SLC6A2: variants seen among roughly 807,000 people sequenced by gnomAD.
SLC6A2 encodes the protein sodium-dependent noradrenaline transporter.
In SLC6A2, 26 loss-of-function variants were observed where a neutral mutation model predicts 71.7. That is an observed-to-expected ratio of 0.36 (90% confidence interval 0.27 to 0.50). The LOEUF (loss-of-function observed/expected upper bound fraction) is 0.50. Among genes scored for constraint, SLC6A2 ranks in the 20% least tolerant of loss-of-function variants. The pLI is 0.96. For missense variants in SLC6A2, 581 were observed against 803.9 expected, an observed-to-expected ratio of 0.72 and a Z score of 3.35; for synonymous variants, 363 against 337.9, an observed-to-expected ratio of 1.07 and a Z score of -0.82.
At chr16:55,697,819 TC>T in intron 9 of SLC6A2, 77 bp from the exon 10 acceptor site, 2 of 1,550,202 alleles carry the variant, frequency 1.3e-6, no homozygotes, top group East Asian at 4.5e-5. Context: ...TGCAGGAGGC[TC>T]TAGGAACCCT....
Position 55,702,582 on chromosome 16 carries a change from G to T in SLC6A2, c.*236G>T, listed in dbSNP as rs1314896251. 7.7e-6 allele frequency: 11 copies of T among 1,431,928 alleles called. No homozygotes were observed. The highest frequency in any genetic ancestry group is 8.2e-6 in the Non-Finnish European group (9 of 1,093,904). 88.7% of individuals were successfully genotyped at this position (1,431,928 alleles called of 1,614,324 possible). On this transcript the variant is annotated 3_prime_UTR_variant, in exon 15 of 15. Coordinates refer to ENST00000568943, the MANE Select transcript of SLC6A2 (RefSeq NM_001172501.3). ...AGGAGCAAACAGGAAAATGACTTCT[G>T]TTCTGTCCCCGCTGTTTTGGGGGAA... is the stretch of plus-strand genomic sequence containing the variant.
At chr16:55,666,613 A>G (rs575773409) in intron 2 of SLC6A2, among the ~76,000 whole-genome samples, 1 of 152,270 alleles carries the variant, frequency 6.6e-6, no homozygotes, top group East Asian at 1.9e-4. Flanking sequence ...GCTGGCCCAC[A>G]TCAAATGCAC....
intron 5 of SLC6A2, among the ~76,000 whole-genome samples, chr16:55,688,482 A>G (rs2142571696): frequency 6.6e-6 from 1 of 152,354 alleles, no homozygotes; most frequent in Non-Finnish European, 1.5e-5. Context: ...AAATCAGTAA[A>G]GGGTAAATTA....
At chr16:55,671,225 C>G (rs1416540988) in intron 3 of SLC6A2, among the ~76,000 whole-genome samples, 1 of 152,182 alleles carries the variant, frequency 6.6e-6, no homozygotes, top group Non-Finnish European at 1.5e-5. Flanking sequence ...CAAGTCAATG[C>G]CACTCTGGGC....
At chr16:55,663,829 T>G (rs1007039880) in intron 2 of SLC6A2, among the ~76,000 whole-genome samples, 1 of 152,160 alleles carries the variant, frequency 6.6e-6, no homozygotes, top group Non-Finnish European at 1.5e-5. Flanking sequence ...CCCTGGCTTT[T>G]CTTTCTTGGA....
At chr16:55,680,853 G>A (rs1381353805) in intron 4 of SLC6A2, among the ~76,000 whole-genome samples, 2 of 152,152 alleles carry the variant, frequency 1.3e-5, no homozygotes, top group East Asian at 3.9e-4. Flanking sequence ...GATGCAGGGT[G>A]AGAGTTTAAG....
intron 2 of SLC6A2, among the ~76,000 whole-genome samples, chr16:55,660,825 T>C (rs1164807457): frequency 1.3e-5 from 2 of 152,314 alleles, no homozygotes; most frequent in Non-Finnish European, 2.9e-5. Flanking sequence ...GGTGCCAGTA[T>C]TAACACTGTA....
intron 2 of SLC6A2, among the ~76,000 whole-genome samples, chr16:55,658,259 C>G (rs1964513981): frequency 6.6e-6 from 1 of 152,128 alleles, no homozygotes; most frequent in South Asian, 2.1e-4. Context: ...TGCCTATAAT[C>G]CTAGCACTTT....
rs115051666 is a variant in SLC6A2, at chr16:55,661,214, C to T, written c.274+4246C>T. 9.4e-3 allele frequency among the ~76,000 whole-genome samples: 1,438 copies of T among 152,298 alleles called. 29 individuals carry two copies. The highest frequency in any genetic ancestry group is 0.033 in the African/African-American group (1,362 of 41,560). On this transcript the variant is annotated intron_variant, in intron 2 of 14. Transcript: ENST00000568943. ...TTTGCCTTTCTTCCAGGGAAGTGGCCACTGTGAATTAACCTTTGCACATGG... is the reference window on the plus strand; with the variant it reads ...TTTGCCTTTCTTCCAGGGAAGTGGCTACTGTGAATTAACCTTTGCACATGG...
Position 55,674,906 on chromosome 16 carries a change from T to C in SLC6A2, c.644+2731T>C, listed in dbSNP as rs189661364. Among the ~76,000 whole-genome samples, 1,108 of 152,338 alleles carry C rather than the reference T, an allele frequency of 7.3e-3. 6 individuals carry two copies. The highest frequency in any genetic ancestry group is 1.0e-2 in the Non-Finnish European group (680 of 68,028). The stretch of plus-strand genomic sequence containing the variant: ...CTGGGTCGAATGGTGGTTCTATTTT[T>C]AGTTCTTAGAGAAATCTCCAAACTG... On this transcript the variant is annotated intron_variant, in intron 4 of 14. Coordinates refer to ENST00000568943, the MANE Select transcript of SLC6A2 (RefSeq NM_001172501.3).
rs1319712189 is a variant in SLC6A2, at chr16:55,702,683, G to C, written c.*337G>C. The stretch of plus-strand genomic sequence containing the variant: ...TCCCCACCACATTTGCCTAGACTTT[G>C]GGCACAGGAGTTCTTAGTCCACCAA... On this transcript the variant is annotated 3_prime_UTR_variant, in exon 15 of 15. Coordinates refer to ENST00000568943, the MANE Select transcript of SLC6A2 (RefSeq NM_001172501.3). 1.2e-5 allele frequency: 15 copies of C among 1,225,560 alleles called. No homozygotes were observed. Among genetic ancestry groups the C allele is most frequent in the Non-Finnish European group, 1.5e-5 (15 of 976,488 alleles). The allele number at this position is 1,225,560 out of a possible 1,614,324, so 75.9% of individuals were successfully genotyped here.
Position 55,702,475 on chromosome 16 carries a change from T to C in SLC6A2, c.*129T>C. On this transcript the variant is annotated 3_prime_UTR_variant, in exon 15 of 15. Transcript: ENST00000568943. Reference sequence around the variant, plus strand: ...TTGTCCTTTCTGATCCTCTCTTCTTTTCCCATTTACAAATGATTTCGTGAC... The same window carrying C: ...TTGTCCTTTCTGATCCTCTCTTCTTCTCCCATTTACAAATGATTTCGTGAC... The C allele has an allele frequency of 6.4e-7, 1 of 1,572,790 alleles. No homozygotes were observed. The highest frequency in any genetic ancestry group is 8.6e-7 in the Non-Finnish European group (1 of 1,157,978).
In SLC6A2 at chr16:55,703,611, T is replaced by C; in HGVS notation, c.*1265T>C. The stretch of plus-strand genomic sequence containing the variant: ...TGGTGCCCTCTGGTGGTGTTTAGTT[T>C]TAGTTCCGTAAGAGAAATGATTCCT... On this transcript the variant is annotated 3_prime_UTR_variant, in exon 15 of 15. Transcript: ENST00000568943. 1.0e-6 allele frequency: 1 copy of C among 985,436 alleles called. No individual in the cohort carries two copies. Among genetic ancestry groups the C allele is most frequent in the Non-Finnish European group, 1.2e-6 (1 of 829,938 alleles). The allele number at this position is 985,436 out of a possible 1,614,324, so 61.0% of individuals were successfully genotyped here. A position where few individuals can be genotyped will look rare whatever the true frequency, so the allele number is the denominator to read the frequency against.
intron 4 of SLC6A2, among the ~76,000 whole-genome samples, chr16:55,681,154 G>A (rs1596984168): frequency 1.3e-5 from 2 of 152,088 alleles, no homozygotes; most frequent in South Asian, 4.2e-4. Flanking sequence ...TTGAAGCCTA[G>A]GACTCAAACA....
chr16:55,686,836 C>A (rs1319906399), intron 5 of SLC6A2, among the ~76,000 whole-genome samples: 2 of 152,170 alleles, frequency 1.3e-5, no homozygotes, highest in African/African-American at 4.8e-5. Context: ...AGGATAGGAC[C>A]ACTAACATTC....
At chr16:55,685,564 G>A (rs1330132709) in intron 5 of SLC6A2, among the ~76,000 whole-genome samples, 8 of 152,096 alleles carry the variant, frequency 5.3e-5, no homozygotes, top group African/African-American at 9.7e-5. Context: ...CAGAGACCAG[G>A]GACTGGGATA....
At chr16:55,682,104 G>A (rs190663589) in intron 4 of SLC6A2, among the ~76,000 whole-genome samples, 4 of 152,180 alleles carry the variant, frequency 2.6e-5, no homozygotes, top group African/African-American at 9.6e-5. Flanking sequence ...ACAGGGTTTC[G>A]CCATGTTGAC....
rs533344123 is a variant in SLC6A2, at chr16:55,656,308, C to T, written c.-52+139C>T. 125 of 352,370 alleles carry T rather than the reference C, an allele frequency of 3.5e-4. No homozygotes were observed. The highest frequency in any genetic ancestry group is 2.4e-3 in the African/African-American group (112 of 47,348). 21.8% of individuals were successfully genotyped at this position (352,370 alleles called of 1,614,324 possible). ...GGCTCCTGTGGCTGTTGAAGTGTCG[C>T]GGACCTGAGCTGGGGAGGGGGTCGG... On this transcript the variant is annotated intron_variant, in intron 1 of 14. Coordinates refer to ENST00000568943, the MANE Select transcript of SLC6A2 (RefSeq NM_001172501.3). This position sits in a 1 kb window ranked among gnomAD's most constrained non-coding sequence, Gnocchi z 4.5.
chr16:55,660,527 G>A (rs149252953), intron 2 of SLC6A2, among the ~76,000 whole-genome samples: 44 of 152,320 alleles, frequency 2.9e-4, no homozygotes, highest in African/African-American at 1.0e-3. Context: ...TTCTCATCCA[G>A]TAATTCCCAA....
Sources: allele counts gnomAD v4.1 joint callset (sites outside exome capture counted in the v4.1 genomes callset), GRCh38; gene constraint gnomAD v4.1.1; non-coding constraint Gnocchi (gnomAD v3.1); transcripts MANE v1.5; gene names NCBI Gene and HGNC (gene_info 2026-07-23, HGNC 2026-07-21).